Variants in SPAG4 observed in about 807,000 individuals in gnomAD.
SPAG4 encodes sperm-associated antigen 4 protein.
A neutral mutation model predicts 53.9 loss-of-function variants in SPAG4; 54 were observed. The ratio of observed to expected loss-of-function variants is 1.00; its 90% CI spans 0.80 to 1.26. The LOEUF (loss-of-function observed/expected upper bound fraction) is 1.26. Ranked by LOEUF, SPAG4 falls within the 50% of genes most tolerant of loss-of-function variation. The pLI is 0.00. For missense variants in SPAG4, 548 were observed against 568.6 expected (o/e 0.96, Z 0.37); for synonymous variants, 246 against 237.4 (o/e 1.04, Z -0.33).
intron 8 of SPAG4, 72 bp downstream of exon 8, chr20:35,619,070 C>T (rs1192030820): frequency 2.0e-6 from 3 of 1,485,546 alleles, no homozygotes; most frequent in Admixed American, 3.4e-5. Flanking sequence ...CAGACAGACC[C>T]ATGCACCTGA....
At position 35,620,869 on chromosome 20, in the gene SPAG4, T is replaced by TC; in HGVS notation, c.1168-3dup. On this transcript the variant is annotated splice_polypyrimidine_tract_variant and splice_region_variant and intron_variant, in intron 11 of 11. Coordinates refer to ENST00000374273, the MANE Select transcript of SPAG4 (RefSeq NM_003116.3). ...CAGCCCTTGGCATGATCCATTTGTC[T>TC]CCCCAGAATGACCCCCCAGCTGCCT... 1.9e-6 allele frequency: 3 copies of TC among 1,613,818 alleles called. No individual in the cohort carries two copies. Among genetic ancestry groups the TC allele is most frequent in the Non-Finnish European group, 2.5e-6 (3 of 1,179,782 alleles).
Position 35,620,691 on chromosome 20 carries a change from A to G in SPAG4, c.1085A>G (p.Gln362Arg). 1 of 1,319,748 alleles carries G rather than the reference A, an allele frequency of 7.6e-7. No individual in the cohort carries two copies. The highest frequency in any genetic ancestry group is 9.9e-7 in the Non-Finnish European group (1 of 1,009,758). The allele number at this position is 1,319,748 out of a possible 1,614,324, so 81.8% of individuals were successfully genotyped here. The change falls in exon 11 of 12, where the codon CAG (glutamine) becomes CGG (arginine). Residue 362 changes from glutamine (Q) to arginine (R), a missense_variant. By Grantham distance (43) the Gln-to-Arg change is conservative. Transcript: ENST00000374273. ...APRDFAVFGL[Q>R]VYDETEVSLG... ...TCATTCTTCACCCACCAGGGCCTCC[A>G]GGTTTATGATGAAACTGAAGTTTCC...
At chr20:35,618,883 C>T in intron 7 of SPAG4, 40 bp from the exon 8 acceptor site, 1 of 1,592,482 alleles carries the variant, frequency 6.3e-7, no homozygotes, top group Middle Eastern at 1.7e-4. Flanking sequence ...AAGCAGCCCG[C>T]AAGCCTCGCC....
chr20:35,618,105 T>G lies in SPAG4; in HGVS notation c.557T>G (p.Leu186Arg). The G allele has an allele frequency of 6.2e-7, 1 of 1,613,908 alleles. No individual in the cohort carries two copies. Among genetic ancestry groups the G allele is most frequent in the South Asian group, 1.1e-5 (1 of 91,024 alleles). ...LFLSAFWLGL[L>R]YLVSPLENEP... is the part of the protein sequence containing the mutation. ...TCTCCAGCATTCTGGCTGGGGCTTC[T>G]GTACCTGGTCTCTCCTTTGGAGAAT... Residue 186 changes from leucine (L) to arginine (R), a missense_variant, in exon 5 of 12, where the codon CTG becomes CGG. By Grantham distance (102) the Leu-to-Arg change is moderately radical. Transcript: ENST00000374273.
At chr20:35,619,542 G>T in intron 9 of SPAG4, 37 bp from the exon 10 acceptor site, 1 of 1,601,502 alleles carries the variant, frequency 6.2e-7, no homozygotes, top group Non-Finnish European at 8.5e-7. Context: ...CAGTCGCTCT[G>T]TCCGACGGTT....
chr20:35,618,159 G>C (rs1382430993), intron 5 of SPAG4, 29 bp downstream of exon 5: 2 of 1,607,702 alleles, frequency 1.2e-6, no homozygotes, highest in African/African-American at 2.7e-5. Flanking sequence ...CTTGGGGTAG[G>C]GGGTTGGCAG....
At position 35,617,921 on chromosome 20, in the gene SPAG4, G is replaced by C. The variant is rs192613464; in HGVS notation, c.538+81G>C. The C allele has an allele frequency of 3.8e-4, 554 of 1,460,324 alleles. 1 individual carries two copies. The highest frequency in any genetic ancestry group is 6.1e-4 in the Admixed American group (36 of 59,370). 90.5% of individuals were successfully genotyped at this position (1,460,324 alleles called of 1,614,324 possible). ...CAGCACATTTTCTCCTACATCCTCG[G>C]TCCTGCAGCTCCTGGCATTCCCCTG... On this transcript the variant is annotated intron_variant, in intron 4 of 11. Coordinates refer to ENST00000374273, the MANE Select transcript of SPAG4 (RefSeq NM_003116.3).
At position 35,616,081 on chromosome 20, in the gene SPAG4, A is replaced by G. The variant is rs747741203; in HGVS notation, c.78A>G (p.Ser26=). 15 of 1,608,748 alleles carry G rather than the reference A, an allele frequency of 9.3e-6. No homozygotes were observed. Among genetic ancestry groups the G allele is most frequent in the Non-Finnish European group, 1.0e-5 (12 of 1,176,220 alleles). The change falls in exon 1 of 12, where the codon TCA becomes TCG. Residue 26 remains serine, a synonymous_variant. Coordinates refer to ENST00000374273, the MANE Select transcript of SPAG4 (RefSeq NM_003116.3). ...CCAACTTTTTCAGCGAGAACAGCTC[A>G]ATGAGCATCACCTCGGAGGACAGCA... ...HTPNFFSENS[S]MSITSEDSKG...
Position 35,616,260 on chromosome 20 carries a change from A to G in SPAG4, c.257A>G (p.Asn86Ser), listed in dbSNP as rs750851786. ...SQQKPAPRSH[N>S]WQTACGAATV... ...CAGAAGCCAGCGCCTCGGAGCCACA[A>G]CTGGCAGACAGCCTGTGGCGCGGCA... The change falls in exon 1 of 12, where the codon AAC becomes AGC. Residue 86 changes from asparagine (N) to serine (S), a missense_variant. Transcript: ENST00000374273. 4.0e-6 allele frequency: 6 copies of G among 1,507,214 alleles called. No individual in the cohort carries two copies. Among genetic ancestry groups the G allele is most frequent in the African/African-American group, 2.9e-5 (2 of 69,540 alleles). The allele number at this position is 1,507,214 out of a possible 1,614,324, so 93.4% of individuals were successfully genotyped here.
At chr20:35,616,396 T>C (rs1297407192) in intron 1 of SPAG4, 89 bp downstream of exon 1, 1 of 1,414,110 alleles carries the variant, frequency 7.1e-7, no homozygotes, top group East Asian at 2.7e-5. Flanking sequence ...AGATGATATC[T>C]GGGCACCTCC....
chr20:35,620,524 C>G (rs886092255), intron 10 of SPAG4, 160 bp from the exon 11 acceptor site: 10 of 583,016 alleles, frequency 1.7e-5, no homozygotes, highest in Non-Finnish European at 2.7e-5. Flanking sequence ...TTTCTTAGAG[C>G]CCACATTCTG....
At chr20:35,619,882 C>T in intron 10 of SPAG4, 136 bp downstream of exon 10, 1 of 888,980 alleles carries the variant, frequency 1.1e-6, no homozygotes, top group Non-Finnish European at 1.7e-6. Flanking sequence ...CTCAGAGCTG[C>T]TGTAGGTTAT....
chr20:35,616,842 C>G, intron 1 of SPAG4: 1 of 420,204 alleles, frequency 2.4e-6, no homozygotes, highest in South Asian at 3.0e-5. Context: ...GTTAATCAGG[C>G]TGGCCTCGAA....
Position 35,615,902 on chromosome 20 carries a change from T to C in SPAG4, c.-102T>C. ...CGGGGCCTGCCGACTTCACGCAGGGTCCGTGGGGTCCCCGCGGCGCGCAGC... is the reference window on the plus strand; with the variant it reads ...CGGGGCCTGCCGACTTCACGCAGGGCCCGTGGGGTCCCCGCGGCGCGCAGC... On this transcript the variant is annotated 5_prime_UTR_variant, in exon 1 of 12. Transcript: ENST00000374273. 1 of 1,190,248 alleles carries C rather than the reference T, an allele frequency of 8.4e-7. No homozygotes were observed. 73.7% of individuals were successfully genotyped at this position (1,190,248 alleles called of 1,614,324 possible).
chr20:35,617,490 C>A, intron 2 of SPAG4, 30 bp from the exon 3 acceptor site: 1 of 1,564,388 alleles, frequency 6.4e-7, no homozygotes, highest in Non-Finnish European at 8.7e-7. Context: ...CTGCCGTGGG[C>A]CCCTCTCTGA....
At chr20:35,617,987 C>T in intron 4 of SPAG4, 100 bp from the exon 5 acceptor site, 1 of 1,397,754 alleles carries the variant, frequency 7.2e-7, no homozygotes, top group South Asian at 1.2e-5. Flanking sequence ...ACGGTCCTCC[C>T]CAGGCTTAAC....
chr20:35,616,199 G>T lies in SPAG4; in HGVS notation c.196G>T (p.Val66Leu). 2 of 1,586,698 alleles carry T rather than the reference G, an allele frequency of 1.3e-6. No individual in the cohort carries two copies. Among genetic ancestry groups the T allele is most frequent in the Non-Finnish European group, 1.7e-6 (2 of 1,168,540 alleles). ...CGGTGAGCCCGCCTTGAGCGCGGGAGTGCCCGGAGGAACCACATGGGCAGG... is the reference window on the plus strand; with the variant it reads ...CGGTGAGCCCGCCTTGAGCGCGGGATTGCCCGGAGGAACCACATGGGCAGG... ...SCGEPALSAG[V>L]PGGTTWAGSS... The change falls in exon 1 of 12, where the codon GTG becomes TTG. Residue 66 changes from valine to leucine, a missense_variant. Transcript: ENST00000374273.
Position 35,617,258 on chromosome 20 carries a change from T to C in SPAG4, c.409+18T>C, listed in dbSNP as rs1307866102. ...CTTTCTGAGTACGGGCCAGGCCAGC[T>C]GCGATCCCCTCTGACCCTCGGGTTC... On this transcript the variant is annotated intron_variant, in intron 2 of 11. Transcript: ENST00000374273. 1 of 1,532,838 alleles carries C rather than the reference T, an allele frequency of 6.5e-7. No individual in the cohort carries two copies. Among genetic ancestry groups the C allele is most frequent in the South Asian group, 1.2e-5 (1 of 85,598 alleles). The allele number at this position is 1,532,838 out of a possible 1,614,324, so 95.0% of individuals were successfully genotyped here. A position where few individuals can be genotyped will look rare whatever the true frequency, so the allele number is the denominator to read the frequency against.
In SPAG4 at chr20:35,621,012, G is replaced by A. The variant is rs1399882560; in HGVS notation, c.1304G>A (p.Gly435Glu). ...GAGGGGGCAGAGGGCAGTGCACAGGGGCCCCATTAAACATGCTGATTTTTG... is the reference window on the plus strand; with the variant it reads ...GAGGGGGCAGAGGGCAGTGCACAGGAGCCCCATTAAACATGCTGATTTTTG... Reference protein sequence around the residue: ...TSEGAEGSAQGPH With the variant: ...TSEGAEGSAQEPH The change falls in exon 12 of 12, where the codon GGG (glycine) becomes GAG (glutamate). Residue 435 changes from glycine to glutamate, a missense_variant. Physicochemically the swap from Gly to Glu is moderately conservative, Grantham distance 98. Coordinates refer to ENST00000374273, the MANE Select transcript of SPAG4 (RefSeq NM_003116.3). The A allele has an allele frequency of 1.9e-6, 3 of 1,613,762 alleles. No homozygotes were observed. Among genetic ancestry groups the A allele is most frequent in the Non-Finnish European group, 2.5e-6 (3 of 1,179,680 alleles).
Sources: gnomAD v4.1 joint callset for allele counts on GRCh38, gnomAD v4.1.1 for gene constraint, MANE v1.5 for transcripts, NCBI Gene and HGNC (gene_info 2026-07-23, HGNC 2026-07-21) for gene names.